Variants in MYCBP2 observed in about 807,000 individuals in gnomAD.
MYCBP2 encodes E3 ubiquitin-protein ligase MYCBP2.
In MYCBP2, 120 loss-of-function variants were observed where a neutral mutation model predicts 525.3. The observed-to-expected ratio is 0.23, with a 90% CI of 0.20 to 0.27. The LOEUF is 0.27. MYCBP2 is among the 10% of genes least tolerant of loss of function. The pLI is 1.00. For synonymous variants in MYCBP2, 1,894 were observed against 1,955.8 expected (o/e 0.97, Z 0.83); for missense variants, 4,149 against 5,657.1 (o/e 0.73, Z 8.55).
In MYCBP2 at chr13:77,285,648, C is replaced by T. The variant is rs575022297; in HGVS notation, c.594+2513G>A. Among the ~76,000 whole-genome samples the T allele has an allele frequency of 1.7e-4, 26 of 152,008 alleles. No individual in the cohort carries two copies. The East Asian group carries it at 3.5e-3, about 20-fold the overall frequency. On this transcript the variant is annotated intron_variant, in intron 3 of 82. Transcript: ENST00000544440. ...ATAAAAATACAAAATTAGCCAGGCG[C>T]GGTGGCACATGCCTGTAATCCCAGC...
chr13:77,202,531 C>T (rs995553566), intron 26 of MYCBP2, among the ~76,000 whole-genome samples: 2 of 151,974 alleles, frequency 1.3e-5, no homozygotes, highest in African/African-American at 4.8e-5. Context: ...GGAATCCTCC[C>T]TAACTCATTT....
intron 80 of MYCBP2, among the ~76,000 whole-genome samples, chr13:77,053,435 A>G (rs2037244847): frequency 6.6e-6 from 1 of 152,190 alleles, no homozygotes. Flanking sequence ...ATATAAATCT[A>G]TTATCTATAC....
intron 55 of MYCBP2, among the ~76,000 whole-genome samples, chr13:77,113,561 T>TG (rs1003651551): frequency 6.6e-6 from 1 of 151,170 alleles, no homozygotes; most frequent in Non-Finnish European, 1.5e-5. Flanking sequence ...AACAAAGAGG[T>TG]GGGGGAAGAG....
At chr13:77,157,219 A>G (rs989551593) in intron 45 of MYCBP2, among the ~76,000 whole-genome samples, 2 of 152,104 alleles carry the variant, frequency 1.3e-5, no homozygotes. Context: ...CTGGGACTAC[A>G]GGTGTGTGCC....
intron 68 of MYCBP2, among the ~76,000 whole-genome samples, chr13:77,073,170 A>T (rs1480176692): frequency 6.6e-6 from 1 of 151,888 alleles, no homozygotes; most frequent in African/African-American, 2.4e-5. Flanking sequence ...TTTTTCACTG[A>T]AGGAAAATGA....
chr13:77,262,251 A>G (rs1418629135), intron 10 of MYCBP2, 122 bp from the exon 11 acceptor site: 1 of 726,732 alleles, frequency 1.4e-6, no homozygotes, highest in East Asian at 2.9e-5. Context: ...GGATGACAAA[A>G]TGTCATGTGC....
chr13:77,156,074 T>A lies in MYCBP2; in HGVS notation c.6899A>T (p.His2300Leu). The A allele has an allele frequency of 6.2e-7, 1 of 1,613,286 alleles. No homozygotes were observed. The highest frequency in any genetic ancestry group is 2.2e-5 in the East Asian group (1 of 44,854). The change falls in exon 46 of 83, where the codon CAT becomes CTT. Residue 2300 changes from histidine (H) to leucine (L), a missense_variant. By Grantham distance (99) the His-to-Leu change is moderately conservative (BLOSUM62 -3). Coordinates refer to ENST00000544440, the MANE Select transcript of MYCBP2 (RefSeq NM_015057.5). The stretch of plus-strand genomic sequence containing the variant: ...TATAATTACCTTCATATTGGGAACA[T>A]GTACCACATCCCCATACTGGTCTTT... Reference protein sequence around the residue: ...QTKDQYGDVVHVPNMKVEVKA... With the variant: ...QTKDQYGDVVLVPNMKVEVKA...
At chr13:77,166,212 T>C (rs1286513019) in intron 41 of MYCBP2, 117 bp downstream of exon 41, 2 of 737,196 alleles carry the variant, frequency 2.7e-6, no homozygotes, top group South Asian at 2.1e-5. Flanking sequence ...AGATACATAG[T>C]AGGTCTTTAA....
At position 77,074,263 on chromosome 13, in the gene MYCBP2, T is replaced by C. The variant is rs79789387; in HGVS notation, c.11823+2488A>G. Among the ~76,000 whole-genome samples the C allele has an allele frequency of 4.9e-3, 747 of 152,180 alleles. 7 individuals are homozygous for C. The highest frequency in any genetic ancestry group is 0.017 in the Middle Eastern group (5 of 292). ...TTCTCAATGAATCGTAGTAGAACAA[T>C]TGAACATCTATATGCAAAAGATAAG... is the stretch of plus-strand genomic sequence containing the variant. On this transcript the variant is annotated intron_variant, in intron 68 of 82. Coordinates refer to ENST00000544440, the MANE Select transcript of MYCBP2 (RefSeq NM_015057.5).
chr13:77,070,048 A>ATT (rs2040907411), intron 69 of MYCBP2, among the ~76,000 whole-genome samples: 1 of 152,214 alleles, frequency 6.6e-6, no homozygotes, highest in Non-Finnish European at 1.5e-5. Context: ...TGCTCAGCCA[A>ATT]CACACAGAAG....
chr13:77,320,281 T>C (rs2081433013), intron 1 of MYCBP2, among the ~76,000 whole-genome samples: 2 of 152,134 alleles, frequency 1.3e-5, no homozygotes, highest in Non-Finnish European at 2.9e-5. Context: ...TAGGGGAACA[T>C]GTGCCTGAAA....
At chr13:77,217,376 T>C (rs2064972353) in intron 21 of MYCBP2, among the ~76,000 whole-genome samples, 1 of 151,988 alleles carries the variant, frequency 6.6e-6, no homozygotes, top group South Asian at 2.1e-4. Flanking sequence ...CAAGCGCCTA[T>C]GTAACAGACA....
chr13:77,265,370 A>C (rs1017811765), intron 8 of MYCBP2, among the ~76,000 whole-genome samples: 3 of 152,140 alleles, frequency 2.0e-5, no homozygotes, highest in Admixed American at 6.6e-5. Flanking sequence ...TGAGGAGTGA[A>C]GCGGCGCAAG....
At chr13:77,307,717 T>C (rs1169580914) in intron 1 of MYCBP2, among the ~76,000 whole-genome samples, 1 of 150,810 alleles carries the variant, frequency 6.6e-6, no homozygotes, top group African/African-American at 2.4e-5. Flanking sequence ...ATGAGACTTC[T>C]CAATACCACA....
chr13:77,236,098 G>C (rs930313937), intron 17 of MYCBP2, among the ~76,000 whole-genome samples: 2 of 152,164 alleles, frequency 1.3e-5, no homozygotes, highest in African/African-American at 4.8e-5. Context: ...GATAAGACTG[G>C]AGGTAAGGCC....
At position 77,257,615 on chromosome 13, in the gene MYCBP2, T is replaced by C. The variant is rs555180447; in HGVS notation, c.2176+56A>G. 20 of 1,453,038 alleles carry C rather than the reference T, an allele frequency of 1.4e-5. No individual in the cohort carries two copies. The East Asian group carries it at 4.8e-4, about 35-fold the overall frequency. 90.0% of individuals were successfully genotyped at this position (1,453,038 alleles called of 1,614,324 possible). On this transcript the variant is annotated intron_variant, in intron 14 of 82. Transcript: ENST00000544440. ...AACAAGACTTTTCACTATGTTGTTC[T>C]GAAAAACTAATGAAAAGACAACACA... is the stretch of plus-strand genomic sequence containing the variant.
intron 17 of MYCBP2, among the ~76,000 whole-genome samples, chr13:77,233,871 A>C (rs903581849): frequency 2.0e-5 from 3 of 146,508 alleles, no homozygotes; most frequent in African/African-American, 7.4e-5. Context: ...AGAGAGAGAG[A>C]GAGAACGAGA....
intron 1 of MYCBP2, among the ~76,000 whole-genome samples, chr13:77,305,530 G>A (rs2079303608): frequency 6.6e-6 from 1 of 152,076 alleles, no homozygotes; most frequent in African/African-American, 2.4e-5. Flanking sequence ...AAAACTGATA[G>A]AAAGGAGAAT....
intron 3 of MYCBP2, among the ~76,000 whole-genome samples, chr13:77,285,245 T>C (rs1333806596): frequency 1.3e-5 from 2 of 152,232 alleles, no homozygotes; most frequent in Non-Finnish European, 2.9e-5. Flanking sequence ...CCCAGGCTTT[T>C]GTTTTCTCTC....
Sources: allele counts gnomAD v4.1 joint callset (sites outside exome capture counted in the v4.1 genomes callset), GRCh38; gene constraint gnomAD v4.1.1; transcripts MANE v1.5; gene names NCBI Gene and HGNC (gene_info 2026-07-23, HGNC 2026-07-21).